Variants in RAB38 observed in about 807,000 individuals in gnomAD.
RAB38 encodes the protein RAB38, member RAS oncogene family, also known as ras-related protein Rab-38.
A neutral mutation model predicts 18.4 loss-of-function variants in RAB38; 15 were observed. The observed-to-expected ratio is 0.82, with a 90% CI of 0.55 to 1.26. The LOEUF is 1.26. Among genes scored for constraint, RAB38 ranks in the 50% most tolerant of loss-of-function variants. The probability of loss-of-function intolerance (pLI) is 0.00; values close to 1 mark genes in which losing one functional copy is unlikely to be tolerated. For synonymous variants in RAB38, 101 were observed against 104.4 expected (o/e 0.97, Z 0.20); for missense variants, 294 against 267.4 (o/e 1.10, Z -0.69).
chr11:87,824,841 CCCAG>C, the RAB38 span, among the ~76,000 whole-genome samples: 1 of 152,088 alleles, frequency 6.6e-6, no homozygotes, highest in Non-Finnish European at 1.5e-5. Flanking sequence ...GTTAAACTTT[CCCAG>C]TAATCAAGAA....
the RAB38 span, among the ~76,000 whole-genome samples, chr11:87,939,379 T>TACACACACACACACACAC: frequency 2.7e-5 from 4 of 146,296 alleles, no homozygotes; most frequent in Non-Finnish European, 4.5e-5. Context: ...CACACATACA[T>TACACACACACACACACAC]ACACACACAC....
the RAB38 span, among the ~76,000 whole-genome samples, chr11:87,807,951 A>C: frequency 1.9e-4 from 29 of 152,200 alleles, 1 homozygote; most frequent in Non-Finnish European, 7.3e-5. Context: ...CTATCTATCT[A>C]TCTCCCTCTG....
At chr11:88,165,731 C>T (rs1370222613) in intron 1 of RAB38, 1 of 152,024 alleles carries the variant, frequency 6.6e-6, no homozygotes, top group Non-Finnish European at 1.5e-5. Context: ...AATTATCTAC[C>T]TCTTGCTTCC....
At chr11:87,841,393 C>T in the RAB38 span, among the ~76,000 whole-genome samples, 1 of 152,140 alleles carries the variant, frequency 6.6e-6, no homozygotes, top group African/African-American at 2.4e-5. Flanking sequence ...ATGTTTGCTT[C>T]CCCTTCTACC....
the RAB38 span, among the ~76,000 whole-genome samples, chr11:87,831,770 T>A: frequency 1.3e-5 from 2 of 152,190 alleles, no homozygotes; most frequent in Non-Finnish European, 2.9e-5. Flanking sequence ...AGCTTTACAG[T>A]TGGCCCTATG....
chr11:87,891,551 C>T, the RAB38 span, among the ~76,000 whole-genome samples: 2 of 151,724 alleles, frequency 1.3e-5, no homozygotes, highest in Non-Finnish European at 2.9e-5. Flanking sequence ...ATCTAAAGAA[C>T]CGAGTTTCTG....
At chr11:87,894,983 G>A in the RAB38 span, among the ~76,000 whole-genome samples, 15 of 151,684 alleles carry the variant, frequency 9.9e-5, no homozygotes, top group South Asian at 6.2e-4. Context: ...AAAGTATTAA[G>A]TCATTTCAAT....
chr11:87,946,495 T>C, the RAB38 span, among the ~76,000 whole-genome samples: 1 of 152,092 alleles, frequency 6.6e-6, no homozygotes, highest in Non-Finnish European at 1.5e-5. Flanking sequence ...ACCCATTAAC[T>C]CCTCATTTAG....
At chr11:87,884,778 C>G in the RAB38 span, among the ~76,000 whole-genome samples, 4 of 151,918 alleles carry the variant, frequency 2.6e-5, no homozygotes, top group Non-Finnish European at 2.9e-5. Flanking sequence ...CCCTGCACTT[C>G]CATTTTATCA....
chr11:88,025,667 T>C, the RAB38 span, among the ~76,000 whole-genome samples: 7 of 152,200 alleles, frequency 4.6e-5, no homozygotes, highest in Non-Finnish European at 1.0e-4. Context: ...TGGCTACTTA[T>C]ATGTCTTCTT....
At chr11:88,149,238 T>C (rs952441214) in intron 2 of RAB38, among the ~76,000 whole-genome samples, 1 of 152,258 alleles carries the variant, frequency 6.6e-6, no homozygotes, top group Non-Finnish European at 1.5e-5. Context: ...TTTTCTTTCC[T>C]AGGAGGAAGC....
At chr11:87,878,548 C>G in the RAB38 span, among the ~76,000 whole-genome samples, 4 of 151,346 alleles carry the variant, frequency 2.6e-5, no homozygotes, top group Non-Finnish European at 5.9e-5. Context: ...AGAATTCATC[C>G]CAAGGCAATG....
chr11:88,024,585 C>T, the RAB38 span, among the ~76,000 whole-genome samples: 5 of 152,092 alleles, frequency 3.3e-5, no homozygotes, highest in Non-Finnish European at 7.4e-5. Flanking sequence ...TCTACATTTC[C>T]ATGTTTGTGG....
chr11:88,107,153 A>C, the RAB38 span, among the ~76,000 whole-genome samples: 2,562 of 151,926 alleles, frequency 0.017, 72 homozygotes, highest in African/African-American at 0.059. Flanking sequence ...CATACCACAG[A>C]TTTTGCCCAT....
chr11:88,040,174 G>A, the RAB38 span, among the ~76,000 whole-genome samples: 2 of 152,124 alleles, frequency 1.3e-5, no homozygotes, highest in Non-Finnish European at 2.9e-5. Flanking sequence ...CAGACTAGGT[G>A]GCTTAAACAA....
chr11:87,932,031 T>C, the RAB38 span, among the ~76,000 whole-genome samples: 1 of 151,722 alleles, frequency 6.6e-6, no homozygotes, highest in African/African-American at 2.4e-5. Context: ...AATTGTTTGC[T>C]CTCTCCATGT....
rs34611358 is a variant in RAB38 at position 88,142,757 on chromosome 11, C to T, written c.483+6918G>A. 7.4e-3 allele frequency among the ~76,000 whole-genome samples: 1,125 copies of T among 152,246 alleles called. 14 individuals are homozygous for T. The highest frequency in any genetic ancestry group is 0.026 in the African/African-American group (1,075 of 41,534). On this transcript the variant is annotated intron_variant, in intron 2 of 2. Coordinates refer to ENST00000243662, the MANE Select transcript of RAB38 (RefSeq NM_022337.3). Reference sequence around the variant, plus strand: ...TCCATTGCATTATAATCCCATACAGCGTGACCAACATGGACAAAAGCAGAA... The same window carrying T: ...TCCATTGCATTATAATCCCATACAGTGTGACCAACATGGACAAAAGCAGAA...
chr11:88,054,986 G>A, the RAB38 span, among the ~76,000 whole-genome samples: 1 of 152,276 alleles, frequency 6.6e-6, no homozygotes, highest in Non-Finnish European at 1.5e-5. Flanking sequence ...AATCTAGGTA[G>A]ACTATTTGAT....
intron 1 of RAB38, chr11:88,167,367 TA>T (rs1183690539): frequency 1.3e-5 from 2 of 152,132 alleles, no homozygotes; most frequent in Non-Finnish European, 2.9e-5. Flanking sequence ...ACTGTCATGC[TA>T]AAAAGTTCAG....
Sources: allele counts gnomAD v4.1 joint callset (sites outside exome capture counted in the v4.1 genomes callset), GRCh38; gene constraint gnomAD v4.1.1; transcripts MANE v1.5; gene names NCBI Gene and HGNC (gene_info 2026-07-23, HGNC 2026-07-21).